Variants in LCA5 observed in about 807,000 individuals in gnomAD.
LCA5 encodes lebercilin LCA5.
A neutral mutation model predicts 53.0 loss-of-function variants in LCA5; 37 were observed. The ratio of observed to expected loss-of-function variants is 0.70; its 90% CI spans 0.54 to 0.92. The LOEUF (loss-of-function observed/expected upper bound fraction) is 0.92, where lower values mean the gene tolerates loss of function less well. Ranked by LOEUF, LCA5 falls within the 40% of genes least tolerant of loss-of-function variation. LCA5 has a pLI of 0.00. For missense variants in LCA5, 806 were observed against 790.5 expected (o/e 1.02, Z -0.23); for synonymous variants, 303 against 282.9 (o/e 1.07, Z -0.71).
At chr6:79,489,532 CA>C (rs1394796493) in intron 6 of LCA5, among the ~76,000 whole-genome samples, 1 of 152,008 alleles carries the variant, frequency 6.6e-6, no homozygotes, top group African/African-American at 2.4e-5. Flanking sequence ...GCATTTTCAC[CA>C]AAAATCTGAT....
intron 3 of LCA5, 82 bp from the exon 4 acceptor site, chr6:79,493,832 GT>G: frequency 3.8e-6 from 4 of 1,059,622 alleles, no homozygotes; most frequent in Non-Finnish European, 5.6e-6. Flanking sequence ...TCAAAATGAT[GT>G]TTTTAGTGGT....
upstream of LCA5, among the ~76,000 whole-genome samples, chr6:79,537,785 T>G (rs1767201004): frequency 6.6e-6 from 1 of 152,164 alleles, no homozygotes; most frequent in African/African-American, 2.4e-5. Context: ...TTAGATTTCC[T>G]TTGGGAAATA....
rs1182562612 is a variant in LCA5 at position 79,485,571 on chromosome 6, G to T, written c.*1433C>A. ...TGACAGGTGGTACATCTTTTAATTGGAGACCTAACCAGGTAAGTCTTGACA... is the reference window on the plus strand; with the variant it reads ...TGACAGGTGGTACATCTTTTAATTGTAGACCTAACCAGGTAAGTCTTGACA... On this transcript the variant is annotated 3_prime_UTR_variant, in exon 8 of 8. Transcript: ENST00000369846. 6.6e-6 allele frequency: 1 copy of T among 152,066 alleles called. No homozygotes were observed. Among genetic ancestry groups the T allele is most frequent in the South Asian group, 2.1e-4 (1 of 4,824 alleles). The allele number at this position is 152,066 out of a possible 1,614,324, so 9.4% of individuals were successfully genotyped here. A position where few individuals can be genotyped will look rare whatever the true frequency, so the allele number is the denominator to read the frequency against.
chr6:79,500,096 T>C (rs969335226), intron 3 of LCA5, among the ~76,000 whole-genome samples: 1 of 151,942 alleles, frequency 6.6e-6, no homozygotes, highest in Non-Finnish European at 1.5e-5. Context: ...CAGTCTACCA[T>C]TGTTGGACAT....
At position 79,503,626 on chromosome 6, in the gene LCA5, A is replaced by G. The variant is rs1770200865; in HGVS notation, c.720+9586T>C. ...TTTTCCACTCATATATTAGGTGTCCAGTAAGTACCAAGCGCTGAGCCAGAC... is the reference window on the plus strand; with the variant it reads ...TTTTCCACTCATATATTAGGTGTCCGGTAAGTACCAAGCGCTGAGCCAGAC... On this transcript the variant is annotated intron_variant, in intron 3 of 7. Transcript: ENST00000369846. 4.6e-5 allele frequency among the ~76,000 whole-genome samples: 7 copies of G among 152,308 alleles called. 1 individual carries two copies. In the South Asian group the frequency reaches 1.4e-3, roughly 32 times the overall value.
intron 1 of LCA5, among the ~76,000 whole-genome samples, chr6:79,521,644 C>A (rs1444931884): frequency 1.3e-5 from 2 of 152,060 alleles, no homozygotes; most frequent in East Asian, 3.9e-4. Flanking sequence ...TTTATGATGG[C>A]TTTTATTTAT....
At chr6:79,501,797 AATAT>A (rs751700180) in intron 3 of LCA5, among the ~76,000 whole-genome samples, 83 of 151,032 alleles carry the variant, frequency 5.5e-4, no homozygotes, top group Non-Finnish European at 1.0e-3. Context: ...CTCTCTATAT[AATAT>A]ATAGAGTTCT....
intron 3 of LCA5, among the ~76,000 whole-genome samples, chr6:79,503,638 G>C (rs1282240546): frequency 6.6e-6 from 1 of 152,094 alleles, no homozygotes; most frequent in Non-Finnish European, 1.5e-5. Context: ...TAAGTACCAA[G>C]CGCTGAGCCA....
intron 1 of LCA5, among the ~76,000 whole-genome samples, chr6:79,524,669 A>G (rs912887683): frequency 1.3e-5 from 2 of 152,186 alleles, no homozygotes; most frequent in African/African-American, 4.8e-5. Flanking sequence ...TTTACACTCT[A>G]GTTATACTAA....
At chr6:79,538,165 C>T (rs2455945), upstream of LCA5, among the ~76,000 whole-genome samples, 1 of 149,820 alleles carries the variant, frequency 6.7e-6, no homozygotes, top group Non-Finnish European at 1.5e-5. Flanking sequence ...AAAAAATCCT[C>T]TTTCGTGAGG....
intron 1 of LCA5, among the ~76,000 whole-genome samples, chr6:79,532,248 CAA>C (rs1420555040): frequency 1.3e-5 from 2 of 152,154 alleles, no homozygotes; most frequent in East Asian, 3.9e-4. Context: ...CTGGTCTAGT[CAA>C]AGTCATGTGA....
chr6:79,531,649 C>T (rs1331970504), intron 1 of LCA5, among the ~76,000 whole-genome samples: 1 of 152,170 alleles, frequency 6.6e-6, no homozygotes, highest in African/African-American at 2.4e-5. Flanking sequence ...TTTTGCACAT[C>T]TCCTCCCACC....
At position 79,513,512 on chromosome 6, in the gene LCA5, C is replaced by T. The variant is rs1766317358; in HGVS notation, c.420G>A (p.Gln140=). 1 of 1,613,950 alleles carries T rather than the reference C, an allele frequency of 6.2e-7. No homozygotes were observed. The highest frequency in any genetic ancestry group is 8.5e-7 in the Non-Finnish European group (1 of 1,179,906). ...TATTCAGGGCTTTCTCCTGTCTGTA[C>T]TGAAGCCTTTTCAAAGATTTATTTT... The part of the protein sequence containing the change: ...LKENKSLKRL[Q]YRQEKALNKF... The change falls in exon 3 of 8, where the codon CAG becomes CAA. Residue 140 remains glutamine, a synonymous_variant. Transcript: ENST00000369846.
chr6:79,518,991 T>G lies in LCA5; in HGVS notation c.-97A>C, dbSNP rs1466668163. ...GAAAAACATTTTCACAGTCTTCAGATCCTGATAATATTCATTTCTGTGCAA... is the reference window on the plus strand; with the variant it reads ...GAAAAACATTTTCACAGTCTTCAGAGCCTGATAATATTCATTTCTGTGCAA... On this transcript the variant is annotated 5_prime_UTR_variant, in exon 2 of 8. Coordinates refer to ENST00000369846, the MANE Select transcript of LCA5 (RefSeq NM_001122769.3). The G allele has an allele frequency of 7.2e-6, 8 of 1,112,332 alleles. No homozygotes were observed. In the East Asian group the frequency reaches 1.9e-4, roughly 26 times the overall value. 68.9% of individuals were successfully genotyped at this position (1,112,332 alleles called of 1,614,324 possible).
chr6:79,538,146 G>A (rs1767215280), upstream of LCA5, among the ~76,000 whole-genome samples: 1 of 103,936 alleles, frequency 9.6e-6, no homozygotes, highest in Non-Finnish European at 1.8e-5. Context: ...GGGAGACAGG[G>A]AAGGTAAAAA....
At chr6:79,488,738 C>A in intron 7 of LCA5, 2 of 403,376 alleles carry the variant, frequency 5.0e-6, no homozygotes, top group Non-Finnish European at 8.7e-6. Flanking sequence ...AAACTACTTC[C>A]AAATGAAAAA....
chr6:79,514,665 G>A (rs1323072123), intron 2 of LCA5, among the ~76,000 whole-genome samples: 1 of 152,112 alleles, frequency 6.6e-6, no homozygotes, highest in Non-Finnish European at 1.5e-5. Flanking sequence ...TATACACCAT[G>A]GAATACTATA....
At chr6:79,534,666 G>A (rs1767056644) in intron 1 of LCA5, among the ~76,000 whole-genome samples, 1 of 152,140 alleles carries the variant, frequency 6.6e-6, no homozygotes, top group Admixed American at 6.5e-5. Context: ...GGTTTCTAGA[G>A]GAGATAATGC....
chr6:79,488,849 C>G (rs1242949707), intron 7 of LCA5: 1 of 555,402 alleles, frequency 1.8e-6, no homozygotes, highest in Non-Finnish European at 3.1e-6. Flanking sequence ...GCAACTTGTC[C>G]TTATTCCCTA....
Sources: gnomAD v4.1 joint callset for allele counts (sites outside exome capture counted in the v4.1 genomes callset) on GRCh38, gnomAD v4.1.1 for gene constraint, MANE v1.5 for transcripts, NCBI Gene and HGNC (gene_info 2026-07-23, HGNC 2026-07-21) for gene names.